Variants in GMDS observed in about 807,000 individuals in gnomAD.
GMDS encodes the protein GDP-mannose 4,6 dehydratase.
In GMDS, 20 loss-of-function variants were observed where a neutral mutation model predicts 49.9. The ratio of observed to expected loss-of-function variants is 0.40; its 90% CI spans 0.28 to 0.58. GMDS has a LOEUF of 0.58. Ranked by LOEUF, GMDS falls within the 20% of genes least tolerant of loss-of-function variation. The pLI is 0.42. For synonymous variants in GMDS, 177 were observed against 178.6 expected (o/e 0.99, Z 0.07); for missense variants, 362 against 481.4 (o/e 0.75, Z 2.32).
At chr6:1,909,100 T>C (rs1760921081) in intron 7 of GMDS, among the ~76,000 whole-genome samples, 1 of 152,194 alleles carries the variant, frequency 6.6e-6, no homozygotes, top group African/African-American at 2.4e-5. Context: ...TTTATTTGTA[T>C]TGCTGCCACT....
intron 1 of GMDS, among the ~76,000 whole-genome samples, chr6:2,172,851 A>G (rs984309331): frequency 6.6e-5 from 10 of 152,132 alleles, no homozygotes; most frequent in Non-Finnish European, 1.0e-4. Flanking sequence ...GAATTATACA[A>G]TTGATAACAT....
chr6:2,019,202 T>C (rs998799011), intron 4 of GMDS, among the ~76,000 whole-genome samples: 4 of 151,360 alleles, frequency 2.6e-5, no homozygotes, highest in Admixed American at 1.3e-4. Flanking sequence ...TTTTAGTGGA[T>C]TCCTTAGGAT....
intron 4 of GMDS, among the ~76,000 whole-genome samples, chr6:2,092,011 G>T (rs1056826932): frequency 6.6e-6 from 1 of 152,010 alleles, no homozygotes; most frequent in Non-Finnish European, 1.5e-5. Context: ...AGGGAAGAGT[G>T]GATTCATGGG....
rs541693988 is a variant in GMDS at position 1,841,795 on chromosome 6, C to T, written c.771+88308G>A. 4.7e-4 allele frequency among the ~76,000 whole-genome samples: 71 copies of T among 152,286 alleles called. 1 individual carries two copies. The South Asian group carries it at 0.015, about 32-fold the overall frequency. On this transcript the variant is annotated intron_variant, in intron 7 of 10. Coordinates refer to ENST00000380815, the MANE Select transcript of GMDS (RefSeq NM_001500.4). ...AGGAAGGACGCTGACACAGGTGGTTCCAGTGGCTGGAGGACACGTGACTTG... is the reference window on the plus strand; with the variant it reads ...AGGAAGGACGCTGACACAGGTGGTTTCAGTGGCTGGAGGACACGTGACTTG...
At chr6:1,810,659 C>G (rs226465) in intron 7 of GMDS, among the ~76,000 whole-genome samples, 26,430 of 151,960 alleles carry the variant, frequency 0.17, 3,201 homozygotes, top group African/African-American at 0.34. Flanking sequence ...AGGGAACAGA[C>G]AGGGAGGAGG....
chr6:1,884,184 A>T (rs894755739), intron 7 of GMDS, among the ~76,000 whole-genome samples: 1 of 152,238 alleles, frequency 6.6e-6, no homozygotes, highest in Non-Finnish European at 1.5e-5. Context: ...TCAAATATCT[A>T]TGTGAAAAGC....
chr6:1,777,250 C>T (rs1170622219), intron 7 of GMDS, among the ~76,000 whole-genome samples: 4 of 152,262 alleles, frequency 2.6e-5, no homozygotes, highest in Admixed American at 2.6e-4. Context: ...CTACATAGCA[C>T]AGCTCCTAGG....
rs1781825229 is a variant in GMDS at position 2,245,427 on chromosome 6, C to G, written c.-5G>C. On this transcript the variant is annotated 5_prime_UTR_variant, in exon 1 of 11. Transcript: ENST00000380815. ...GCGTGCCGGTGCGTGTGCCATGTCC[C>G]GCGGCGGGCGTGCGGTCGGCGGCAG... is the stretch of plus-strand genomic sequence containing the variant. The G allele has an allele frequency of 6.8e-7, 1 of 1,470,356 alleles. No homozygotes were observed. The highest frequency in any genetic ancestry group is 8.9e-7 in the Non-Finnish European group (1 of 1,117,444). The allele number at this position is 1,470,356 out of a possible 1,614,324, so 91.1% of individuals were successfully genotyped here. A position where few individuals can be genotyped will look rare whatever the true frequency, so the allele number is the denominator to read the frequency against.
chr6:1,710,568 G>A (rs1009404346), intron 9 of GMDS, among the ~76,000 whole-genome samples: 1 of 152,170 alleles, frequency 6.6e-6, no homozygotes, highest in Admixed American at 6.5e-5. Flanking sequence ...CGTCTGCCCT[G>A]ACATGGCAGA....
intron 1 of GMDS, among the ~76,000 whole-genome samples, chr6:2,132,236 T>C (rs780841626): frequency 2.6e-5 from 4 of 152,154 alleles, no homozygotes; most frequent in Non-Finnish European, 5.9e-5. Context: ...CCCTCTATAA[T>C]GGATCCTATT....
chr6:1,632,719 A>C (rs1020424493), intron 9 of GMDS, among the ~76,000 whole-genome samples: 1 of 152,088 alleles, frequency 6.6e-6, no homozygotes, highest in Non-Finnish European at 1.5e-5. Context: ...TCTACAAAAA[A>C]CTTTAAAAAA....
At chr6:1,765,050 G>A (rs1430976924) in intron 7 of GMDS, among the ~76,000 whole-genome samples, 1 of 151,978 alleles carries the variant, frequency 6.6e-6, no homozygotes, top group Non-Finnish European at 1.5e-5. Flanking sequence ...TCCCCCCAGT[G>A]TGACTTCTCA....
At chr6:1,685,573 CAAT>C (rs1764948762) in intron 9 of GMDS, among the ~76,000 whole-genome samples, 1 of 152,060 alleles carries the variant, frequency 6.6e-6, no homozygotes, top group Non-Finnish European at 1.5e-5. Context: ...TTCATGCCAA[CAAT>C]GACTATGCCA....
At chr6:2,017,898 G>C (rs1476811716) in intron 4 of GMDS, among the ~76,000 whole-genome samples, 1 of 152,124 alleles carries the variant, frequency 6.6e-6, no homozygotes, top group African/African-American at 2.4e-5. Context: ...TTGTCACCAG[G>C]TCACCATTCT....
chr6:1,951,001 G>A (rs372486870), intron 6 of GMDS, among the ~76,000 whole-genome samples: 112 of 152,182 alleles, frequency 7.4e-4, no homozygotes, highest in Admixed American at 1.0e-3. Flanking sequence ...CCCCTCCTCC[G>A]TTGGGACAAG....
chr6:2,201,933 C>T (rs1184279189), intron 1 of GMDS, among the ~76,000 whole-genome samples: 4 of 133,292 alleles, frequency 3.0e-5, no homozygotes, highest in African/African-American at 1.1e-4. Flanking sequence ...GAGAGCACCA[C>T]ATGGACATCC....
intron 4 of GMDS, among the ~76,000 whole-genome samples, chr6:2,076,982 C>G (rs1267061501): frequency 6.6e-6 from 1 of 152,094 alleles, no homozygotes; most frequent in East Asian, 1.9e-4. Context: ...GTTCATCCAT[C>G]TTTTGTAGTT....
chr6:2,061,173 G>A (rs9503083), intron 4 of GMDS, among the ~76,000 whole-genome samples: 273 of 152,244 alleles, frequency 1.8e-3, no homozygotes, highest in African/African-American at 5.7e-3. Flanking sequence ...CGAGGTCATA[G>A]AGGAAAAGGA....
At chr6:2,188,935 C>G (rs1581770045) in intron 1 of GMDS, among the ~76,000 whole-genome samples, 1 of 152,174 alleles carries the variant, frequency 6.6e-6, no homozygotes, top group Non-Finnish European at 1.5e-5. Flanking sequence ...ATGGCCAAAG[C>G]TTGCCATACA....
Sources: allele counts gnomAD v4.1 joint callset (sites outside exome capture counted in the v4.1 genomes callset), GRCh38; gene constraint gnomAD v4.1.1; transcripts MANE v1.5; gene names NCBI Gene and HGNC (gene_info 2026-07-23, HGNC 2026-07-21).